The following TNFAIP8 variants were observed in gnomAD, a reference collection of about 807,000 sequenced individuals.
The protein encoded by TNFAIP8 is TNF alpha induced protein 8, also known as tumor necrosis factor alpha-induced protein 8.
A neutral mutation model predicts 13.3 loss-of-function variants in TNFAIP8; 7 were observed. The ratio of observed to expected loss-of-function variants is 0.52; its 90% confidence interval spans 0.30 to 0.99. The LOEUF (loss-of-function observed/expected upper bound fraction) is 0.99. TNFAIP8 is among the 50% of genes least tolerant of loss of function. The pLI is 0.07. For synonymous variants in TNFAIP8, 94 were observed against 87.6 expected, an observed-to-expected ratio of 1.07 and a Z score of -0.41; for missense variants, 258 against 236.9, an observed-to-expected ratio of 1.09 and a Z score of -0.58.
chr5:119,377,406 T>TAA (rs11445660), intron 1 of TNFAIP8, among the ~76,000 whole-genome samples: 83 of 148,786 alleles, frequency 5.6e-4, no homozygotes, highest in Admixed American at 1.0e-3. Flanking sequence ...AAATAAGAAG[T>TAA]AAAAAAAAAA....
intron 1 of TNFAIP8, among the ~76,000 whole-genome samples, chr5:119,376,214 A>C (rs552310118): frequency 6.6e-6 from 1 of 151,696 alleles, no homozygotes; most frequent in Non-Finnish European, 1.5e-5. Context: ...TCCCGGCTTC[A>C]AGAGATTCTC....
chr5:119,288,053 A>G (rs901833054), intron 1 of TNFAIP8, among the ~76,000 whole-genome samples: 2 of 152,202 alleles, frequency 1.3e-5, no homozygotes, highest in African/African-American at 4.8e-5. Context: ...CCCCATTACT[A>G]AGACAACTCC....
At position 119,396,014 on chromosome 5, in the gene TNFAIP8, C is replaced by G. The variant is rs975064046; in HGVS notation, c.*2633C>G. The G allele has an allele frequency of 6.6e-6, 1 of 152,080 alleles. No individual in the cohort carries two copies. Among genetic ancestry groups the G allele is most frequent in the South Asian group, 2.1e-4 (1 of 4,822 alleles). 9.4% of individuals were successfully genotyped at this position (152,080 alleles called of 1,614,324 possible). A position where few individuals can be genotyped will look rare whatever the true frequency, so the allele number is the denominator to read the frequency against. ...ACGCAGAGTAGTTTGTATTATGTGTCGGGCACATTAACTCATTTAATTCTG... is the reference window on the plus strand; with the variant it reads ...ACGCAGAGTAGTTTGTATTATGTGTGGGGCACATTAACTCATTTAATTCTG... On this transcript the variant is annotated 3_prime_UTR_variant, in exon 2 of 2. Transcript: ENST00000504771.
intron 1 of TNFAIP8, among the ~76,000 whole-genome samples, chr5:119,273,949 C>T (rs933811789): frequency 6.6e-6 from 1 of 152,164 alleles, no homozygotes; most frequent in African/African-American, 2.4e-5. Flanking sequence ...CTCCTTCAAC[C>T]CAAATTCATT....
chr5:119,276,533 A>G (rs537473635), intron 1 of TNFAIP8, among the ~76,000 whole-genome samples: 1 of 152,320 alleles, frequency 6.6e-6, no homozygotes, highest in East Asian at 1.9e-4. Context: ...TAAACAACAG[A>G]AATTTATATT....
At chr5:119,330,376 T>A (rs1472018728) in intron 1 of TNFAIP8, among the ~76,000 whole-genome samples, 1 of 152,192 alleles carries the variant, frequency 6.6e-6, no homozygotes, top group Non-Finnish European at 1.5e-5. Context: ...ATGTCATCAC[T>A]CTTTTGATGA....
chr5:119,281,306 A>ACACACACTCTCTCT, intron 1 of TNFAIP8, among the ~76,000 whole-genome samples: 1 of 114,130 alleles, frequency 8.8e-6, no homozygotes, highest in Non-Finnish European at 1.9e-5. Context: ...ACACACACAC[A>ACACACACTCTCTCT]CTCTCTCTCT....
At position 119,272,458 on chromosome 5, in the gene TNFAIP8, A is replaced by C. The variant is rs146005569; in HGVS notation, c.1+3551A>C. On this transcript the variant is annotated intron_variant, in intron 1 of 1. Coordinates refer to the TNFAIP8 transcript ENST00000274456. ...TTGCTAGTGGCAAAAATGGGTTTGG[A>C]ATTCTGTTGTGTTTCACAAGGGCAG... 1.9e-3 allele frequency among the ~76,000 whole-genome samples: 290 copies of C among 152,354 alleles called. 1 individual carries two copies. The highest frequency in any genetic ancestry group is 2.6e-3 in the Non-Finnish European group (174 of 68,032).
At chr5:119,299,019 T>C (rs1173985639) in intron 1 of TNFAIP8, among the ~76,000 whole-genome samples, 1 of 152,196 alleles carries the variant, frequency 6.6e-6, no homozygotes, top group Non-Finnish European at 1.5e-5. Flanking sequence ...TAAATTTTTT[T>C]CAAAGTTTTT....
rs1753100676 is a variant in TNFAIP8, at chr5:119,397,407, T to C, written c.*4026T>C. The stretch of plus-strand genomic sequence containing the variant: ...TCCAGTAAAATGAATTAAATTAGCA[T>C]GTTAATAAGAGTGATAATATTTAAA... On this transcript the variant is annotated 3_prime_UTR_variant, in exon 2 of 2. Transcript: ENST00000504771. 1 of 152,222 alleles carries C rather than the reference T, an allele frequency of 6.6e-6. No individual in the cohort carries two copies. Among genetic ancestry groups the C allele is most frequent in the Admixed American group, 6.5e-5 (1 of 15,288 alleles). 9.4% of individuals were successfully genotyped at this position (152,222 alleles called of 1,614,324 possible). A position where few individuals can be genotyped will look rare whatever the true frequency, so the allele number is the denominator to read the frequency against.
chr5:119,327,168 A>AC (rs1476476470), intron 1 of TNFAIP8, among the ~76,000 whole-genome samples: 1 of 151,826 alleles, frequency 6.6e-6, no homozygotes, highest in Non-Finnish European at 1.5e-5. Context: ...CTGTTCCCAG[A>AC]CCCCCATTGG....
At chr5:119,276,048 C>T (rs1343819278) in intron 1 of TNFAIP8, among the ~76,000 whole-genome samples, 2 of 151,874 alleles carry the variant, frequency 1.3e-5, no homozygotes, top group Non-Finnish European at 2.9e-5. Context: ...GAGGATTAAC[C>T]ACCCAAGCCC....
chr5:119,273,966 A>C (rs1748367394), intron 1 of TNFAIP8, among the ~76,000 whole-genome samples: 2 of 152,196 alleles, frequency 1.3e-5, no homozygotes, highest in Admixed American at 6.5e-5. Flanking sequence ...CATTTAGCTC[A>C]AGCCTTCCTC....
chr5:119,314,872 C>T (rs1304537971), intron 1 of TNFAIP8, among the ~76,000 whole-genome samples: 1 of 152,092 alleles, frequency 6.6e-6, no homozygotes, highest in Non-Finnish European at 1.5e-5. Context: ...TCATCCTAAC[C>T]ACTTACTACA....
chr5:119,316,651 A>C (rs1481116226), intron 1 of TNFAIP8, among the ~76,000 whole-genome samples: 1 of 152,222 alleles, frequency 6.6e-6, no homozygotes, highest in African/African-American at 2.4e-5. Context: ...TCAAAAATCC[A>C]GGTGCCTCAG....
chr5:119,379,548 C>T (rs2112835307), intron 1 of TNFAIP8, among the ~76,000 whole-genome samples: 1 of 152,194 alleles, frequency 6.6e-6, no homozygotes, highest in Non-Finnish European at 1.5e-5. Flanking sequence ...AGTTTCTGTT[C>T]CCTGATGTGT....
intron 1 of TNFAIP8, among the ~76,000 whole-genome samples, chr5:119,318,942 TAGA>T (rs1388506227): frequency 6.6e-6 from 1 of 152,188 alleles, no homozygotes. Flanking sequence ...AAAATAAGAC[TAGA>T]AGAATAACAG....
intron 1 of TNFAIP8, among the ~76,000 whole-genome samples, chr5:119,340,849 G>A (rs1229530251): frequency 6.6e-6 from 1 of 152,176 alleles, no homozygotes; most frequent in Admixed American, 6.5e-5. Flanking sequence ...ACCACAGATA[G>A]TGCATTTATG....
rs1248950353 is a variant in TNFAIP8 at position 119,395,603 on chromosome 5, C to T, written c.*2222C>T. On this transcript the variant is annotated 3_prime_UTR_variant, in exon 2 of 2. Coordinates refer to ENST00000504771, the MANE Select transcript of TNFAIP8 (RefSeq NM_014350.4). ...AGAGGGAAGGCAGTGAGGAGTAGAC[C>T]GAAGGAGGGAATCCTGTTTGCTACC... 1.3e-5 allele frequency: 2 copies of T among 152,240 alleles called. No homozygotes were observed. The highest frequency in any genetic ancestry group is 4.8e-5 in the African/African-American group (2 of 41,528). The allele number at this position is 152,240 out of a possible 1,614,324, so 9.4% of individuals were successfully genotyped here.
Sources: allele counts gnomAD v4.1 joint callset (sites outside exome capture counted in the v4.1 genomes callset), GRCh38; gene constraint gnomAD v4.1.1; transcripts MANE v1.5; gene names NCBI Gene and HGNC (gene_info 2026-07-23, HGNC 2026-07-21).